KLHL3: variants seen among roughly 807,000 people sequenced by gnomAD.
KLHL3 encodes kelch-like protein 3.
KLHL3 carries 19 observed loss-of-function variants against 70.5 expected under a neutral mutation model. The ratio of observed to expected loss-of-function variants is 0.27; its 90% CI spans 0.19 to 0.40. The LOEUF is 0.40. KLHL3 is among the 10% of genes least tolerant of loss of function. KLHL3 has a pLI of 1.00. For synonymous variants in KLHL3, 258 were observed against 290.3 expected (o/e 0.89, Z 1.13); for missense variants, 512 against 771.1 (o/e 0.66, Z 3.98).
At chr5:137,627,474 A>AACC (rs1750498052) in intron 13 of KLHL3, among the ~76,000 whole-genome samples, 1 of 53,070 alleles carries the variant, frequency 1.9e-5, no homozygotes, top group African/African-American at 5.4e-5. Flanking sequence ...AGTAAATATC[A>AACC]CCACCCCCCC....
rs934620874 is a variant in KLHL3 at position 137,642,552 on chromosome 5, T to C, written c.904-2575A>G. On this transcript the variant is annotated intron_variant, in intron 8 of 14. Transcript: ENST00000309755. ...CCTCAGTCACCAAGATAACTCCATA[T>C]ACTTATGTTGCCAGGTAAAAGTGAG... Among the ~76,000 whole-genome samples the C allele has an allele frequency of 2.0e-5, 3 of 152,354 alleles. No homozygotes were observed. The South Asian group carries it at 6.2e-4, about 32-fold the overall frequency.
At chr5:137,698,525 G>T in intron 3 of KLHL3, 117 bp from the exon 4 acceptor site, 1 of 1,155,952 alleles carries the variant, frequency 8.7e-7, no homozygotes. Flanking sequence ...GCTCCAGGAG[G>T]CAGCAGAAGG....
At chr5:137,646,363 G>A (rs1242924703) in intron 8 of KLHL3, among the ~76,000 whole-genome samples, 2 of 152,152 alleles carry the variant, frequency 1.3e-5, no homozygotes, top group African/African-American at 4.8e-5. Flanking sequence ...AGCCCAGTAT[G>A]GTCAAAAGAA....
intron 4 of KLHL3, among the ~76,000 whole-genome samples, chr5:137,694,333 A>G (rs1752394864): frequency 6.6e-6 from 1 of 152,204 alleles, no homozygotes. Context: ...TTTCTGAACC[A>G]CTAATACATT....
rs1580741036 is a variant in KLHL3, at chr5:137,661,826, C to T, written c.753+89G>A. The T allele has an allele frequency of 2.1e-5, 16 of 761,690 alleles. No individual in the cohort carries two copies. The East Asian group carries it at 3.9e-4, about 19-fold the overall frequency. 47.2% of individuals were successfully genotyped at this position (761,690 alleles called of 1,614,324 possible). A position where few individuals can be genotyped will look rare whatever the true frequency, so the allele number is the denominator to read the frequency against. ...ACATACAGAAGACCCACTAAACCCT[C>T]AACTACTCCATCCAACCAGGATTGC... On this transcript the variant is annotated intron_variant, in intron 7 of 14. Transcript: ENST00000309755.
intron 3 of KLHL3, among the ~76,000 whole-genome samples, chr5:137,701,445 A>G (rs1752565144): frequency 6.6e-6 from 1 of 152,192 alleles, no homozygotes; most frequent in African/African-American, 2.4e-5. Context: ...CATTTCTAAT[A>G]CATCCCTCAA....
intron 2 of KLHL3, among the ~76,000 whole-genome samples, chr5:137,717,652 T>A (rs776144824): frequency 6.6e-6 from 1 of 152,246 alleles, no homozygotes; most frequent in Non-Finnish European, 1.5e-5. Context: ...AAGAGAGGTA[T>A]ACTGTCCAAA....
chr5:137,721,721 G>A (rs1183635805), intron 1 of KLHL3, among the ~76,000 whole-genome samples: 1 of 152,218 alleles, frequency 6.6e-6, no homozygotes, highest in African/African-American at 2.4e-5. Flanking sequence ...CAGGAGGACT[G>A]CTTGTGCCCA....
At chr5:137,735,596 T>C in intron 1 of KLHL3, 37 bp downstream of exon 1, 1 of 1,514,808 alleles carries the variant, frequency 6.6e-7, no homozygotes. Context: ...TACACTTACA[T>C]ACACACACAA....
At chr5:137,686,972 G>T (rs1752184959) in intron 5 of KLHL3, among the ~76,000 whole-genome samples, 1 of 115,002 alleles carries the variant, frequency 8.7e-6, no homozygotes, top group African/African-American at 3.3e-5. Flanking sequence ...GGAGGGAGGT[G>T]GGGGGGTCAG....
At chr5:137,704,099 C>T (rs1020154592) in intron 3 of KLHL3, among the ~76,000 whole-genome samples, 26 of 152,164 alleles carry the variant, frequency 1.7e-4, no homozygotes, top group Admixed American at 1.1e-3. Flanking sequence ...TCTCCACGCA[C>T]CTATGCAGTT....
chr5:137,716,234 T>G (rs1752890384), intron 2 of KLHL3, among the ~76,000 whole-genome samples: 1 of 151,746 alleles, frequency 6.6e-6, no homozygotes, highest in South Asian at 2.1e-4. Flanking sequence ...TTTTTTTTAA[T>G]GAGATGGGTC....
chr5:137,661,809 A>G, intron 7 of KLHL3, 106 bp downstream of exon 7: 1 of 690,264 alleles, frequency 1.4e-6, no homozygotes. Flanking sequence ...GCACATACAG[A>G]AGACCCACTA....
intron 14 of KLHL3, among the ~76,000 whole-genome samples, chr5:137,625,300 T>C: frequency 6.6e-6 from 1 of 152,270 alleles, no homozygotes; most frequent in Admixed American, 6.5e-5. Flanking sequence ...TGCTAAAACC[T>C]GTCTAGCGTA....
chr5:137,699,090 C>T lies in KLHL3; in HGVS notation c.242-682G>A, dbSNP rs141149932. 1.4e-3 allele frequency among the ~76,000 whole-genome samples: 207 copies of T among 152,194 alleles called. 5 individuals are homozygous for T. The Middle Eastern group carries it at 0.024, about 18-fold the overall frequency. On this transcript the variant is annotated intron_variant, in intron 3 of 14. Transcript: ENST00000309755. ...CTAGAGTCCATATTTGTAACCACTACGCTATACTAAATCCCAAGAACACAG... is the reference window on the plus strand; with the variant it reads ...CTAGAGTCCATATTTGTAACCACTATGCTATACTAAATCCCAAGAACACAG...
At chr5:137,717,060 C>T (rs10077392) in intron 2 of KLHL3, among the ~76,000 whole-genome samples, 35,851 of 152,208 alleles carry the variant, frequency 0.24, 4,544 homozygotes, top group African/African-American at 0.32. Context: ...AGGGGCAGCA[C>T]TGATGGCCAA....
intron 1 of KLHL3, among the ~76,000 whole-genome samples, chr5:137,732,691 T>C (rs571460917): frequency 6.6e-6 from 1 of 152,154 alleles, no homozygotes; most frequent in African/African-American, 2.4e-5. Context: ...AGCAGCAAAG[T>C]ATAGGGTACA....
chr5:137,692,487 T>G (rs1458424034), intron 4 of KLHL3, 40 bp from the exon 5 acceptor site: 1 of 1,599,722 alleles, frequency 6.3e-7, no homozygotes, highest in African/African-American at 1.3e-5. Context: ...TGGATCCCAC[T>G]GGCAGAGACT....
intron 5 of KLHL3, among the ~76,000 whole-genome samples, chr5:137,689,035 C>T (rs762943402): frequency 9.2e-5 from 14 of 152,148 alleles, no homozygotes; most frequent in Non-Finnish European, 1.6e-4. Context: ...AAAACACAGA[C>T]GTTGAAAGTT....
Sources: allele counts gnomAD v4.1 joint callset (sites outside exome capture counted in the v4.1 genomes callset), GRCh38; gene constraint gnomAD v4.1.1; transcripts MANE v1.5; gene names NCBI Gene and HGNC (gene_info 2026-07-23, HGNC 2026-07-21).